The following HPCAL1 variants were observed in gnomAD, a reference collection of about 807,000 sequenced individuals.
The protein encoded by HPCAL1 is hippocalcin like 1, also known as hippocalcin-like protein 1.
In HPCAL1, 8 loss-of-function variants were observed where a neutral mutation model predicts 17.1. The ratio of observed to expected loss-of-function variants is 0.47; its 90% CI spans 0.27 to 0.84. The LOEUF (loss-of-function observed/expected upper bound fraction) is 0.84, where lower values mean the gene tolerates loss of function less well. HPCAL1 is among the 40% of genes least tolerant of loss of function. The pLI, the probability that HPCAL1 is intolerant of heterozygous loss-of-function variation, is 0.13. For missense variants in HPCAL1, 165 were observed against 271.1 expected, an observed-to-expected ratio of 0.61 and a Z score of 2.75; for synonymous variants, 112 against 111.4, an observed-to-expected ratio of 1.01 and a Z score of -0.03.
At chr2:10,316,059 A>G (rs1014685142) in intron 1 of HPCAL1, among the ~76,000 whole-genome samples, 4 of 152,058 alleles carry the variant, frequency 2.6e-5, no homozygotes, top group African/African-American at 4.8e-5. Context: ...TCAGTGTGGC[A>G]TAGTGTAGAG....
intron 1 of HPCAL1, among the ~76,000 whole-genome samples, chr2:10,350,166 C>T (rs1441585646): frequency 6.6e-6 from 1 of 152,146 alleles, no homozygotes; most frequent in Non-Finnish European, 1.5e-5. Flanking sequence ...ACAAACGTAA[C>T]TGAGTCTTGG....
intron 1 of HPCAL1, among the ~76,000 whole-genome samples, chr2:10,358,921 A>C (rs956594444): frequency 3.3e-5 from 5 of 152,170 alleles, no homozygotes; most frequent in Non-Finnish European, 7.4e-5. Flanking sequence ...TACGGATGGC[A>C]AACTAAAAGA....
chr2:10,418,472 C>CAA (rs1338147998), intron 2 of HPCAL1, among the ~76,000 whole-genome samples: 4 of 103,262 alleles, frequency 3.9e-5, no homozygotes, highest in South Asian at 6.3e-4. Flanking sequence ...AAAAAAAAAA[C>CAA]AACCCTGGGA....
At chr2:10,422,565 G>A (rs1671131708) in intron 3 of HPCAL1, among the ~76,000 whole-genome samples, 1 of 152,206 alleles carries the variant, frequency 6.6e-6, no homozygotes, top group Admixed American at 6.5e-5. Flanking sequence ...TGCCCTGTGA[G>A]TTTCAGGGAC....
At chr2:10,341,610 GCTGAAGGA>G (rs558361502) in intron 1 of HPCAL1, among the ~76,000 whole-genome samples, 28 of 152,234 alleles carry the variant, frequency 1.8e-4, no homozygotes, top group African/African-American at 6.5e-4. Flanking sequence ...CAAGAAAGCT[GCTGAAGGA>G]CTTCAGAAAC....
At chr2:10,349,789 A>T (rs993594177) in intron 1 of HPCAL1, among the ~76,000 whole-genome samples, 1 of 148,858 alleles carries the variant, frequency 6.7e-6, no homozygotes, top group African/African-American at 2.5e-5. Flanking sequence ...TTTCATTTTC[A>T]TATAAAAATG....
In HPCAL1 at chr2:10,359,540, C is replaced by G. The variant is rs919983048; in HGVS notation, c.-110-37295C>G. On this transcript the variant is annotated intron_variant, in intron 1 of 4. Coordinates refer to ENST00000307845, the MANE Select transcript of HPCAL1 (RefSeq NM_002149.4). This position sits in a 1 kb window ranked among gnomAD's most constrained non-coding sequence, Gnocchi z 4.1. ...AACATTTCTCCCACCCTCTGTCCCT[C>G]GGGGACCCCACTTCCCAGGTGGCCT... Among the ~76,000 whole-genome samples, 1 of 152,228 alleles carries G rather than the reference C, an allele frequency of 6.6e-6. No individual in the cohort carries two copies. The highest frequency in any genetic ancestry group is 1.5e-5 in the Non-Finnish European group (1 of 68,028).
chr2:10,385,122 G>T (rs1335565898), intron 1 of HPCAL1, among the ~76,000 whole-genome samples: 1 of 151,024 alleles, frequency 6.6e-6, no homozygotes, highest in Non-Finnish European at 1.5e-5. Flanking sequence ...AGATAGAGGT[G>T]ACAGGAAGAC....
chr2:10,319,250 C>G (rs1385060226), intron 1 of HPCAL1, among the ~76,000 whole-genome samples: 1 of 152,178 alleles, frequency 6.6e-6, no homozygotes, highest in African/African-American at 2.4e-5. Context: ...TGGAGTCAAC[C>G]TGTATTTTTC....
rs1214851062 is a variant in HPCAL1, at chr2:10,426,922, G to C, written c.*101G>C. ...CCCCGCAATCGTTCCTGCTCTCCCG[G>C]GCCCCGGGCCTGGGGCATGCGTTGC... On this transcript the variant is annotated 3_prime_UTR_variant, in exon 5 of 5. Transcript: ENST00000307845. The C allele has an allele frequency of 3.5e-6, 4 of 1,153,184 alleles. No homozygotes were observed. Among genetic ancestry groups the C allele is most frequent in the Non-Finnish European group, 5.1e-6 (4 of 782,496 alleles). The allele number at this position is 1,153,184 out of a possible 1,614,324, so 71.4% of individuals were successfully genotyped here.
intron 1 of HPCAL1, among the ~76,000 whole-genome samples, chr2:10,370,334 G>A (rs1383919760): frequency 2.0e-5 from 3 of 152,268 alleles, no homozygotes; most frequent in Non-Finnish European, 4.4e-5. Context: ...GCAGGTGCAT[G>A]CTTGGGACTT....
chr2:10,401,081 G>A (rs1252893326), intron 2 of HPCAL1, among the ~76,000 whole-genome samples: 1 of 152,184 alleles, frequency 6.6e-6, no homozygotes, highest in African/African-American at 2.4e-5. Flanking sequence ...CACACAGGCA[G>A]CCACAGCCGA....
chr2:10,417,165 C>G (rs887840805), intron 2 of HPCAL1, among the ~76,000 whole-genome samples: 1 of 152,062 alleles, frequency 6.6e-6, no homozygotes, highest in African/African-American at 2.4e-5. Context: ...GAGTTCGAGA[C>G]CAGGTTGGCC....
At chr2:10,353,386 T>G (rs914363298) in intron 1 of HPCAL1, among the ~76,000 whole-genome samples, 1 of 152,136 alleles carries the variant, frequency 6.6e-6, no homozygotes, top group Non-Finnish European at 1.5e-5. Context: ...AAGCCCCCAG[T>G]GCCATCCTTC....
chr2:10,356,299 G>A (rs1666150006), intron 1 of HPCAL1, among the ~76,000 whole-genome samples: 1 of 152,170 alleles, frequency 6.6e-6, no homozygotes, highest in Admixed American at 6.5e-5. Context: ...GAGTGTTAAA[G>A]GTCACAGGAC....
chr2:10,420,190 C>G, intron 3 of HPCAL1, 55 bp downstream of exon 3: 1 of 1,451,628 alleles, frequency 6.9e-7, no homozygotes, highest in East Asian at 2.3e-5. Flanking sequence ...CCTCCCAGCT[C>G]CCAGCCCCCA....
At chr2:10,318,889 C>T (rs767259174) in intron 1 of HPCAL1, among the ~76,000 whole-genome samples, 2 of 152,188 alleles carry the variant, frequency 1.3e-5, no homozygotes, top group African/African-American at 2.4e-5. Flanking sequence ...AGCACCCACC[C>T]GTGCCTTCTC....
At chr2:10,346,410 G>A (rs1002890061) in intron 1 of HPCAL1, among the ~76,000 whole-genome samples, 2 of 152,194 alleles carry the variant, frequency 1.3e-5, no homozygotes, top group Non-Finnish European at 2.9e-5. Context: ...CTTGGGGGAG[G>A]TGCTCCCTCA....
At chr2:10,355,511 T>G (rs1269395654) in intron 1 of HPCAL1, among the ~76,000 whole-genome samples, 1 of 131,052 alleles carries the variant, frequency 7.6e-6, no homozygotes, top group African/African-American at 2.9e-5. Flanking sequence ...ACACCACTGA[T>G]CACTCAGAAG....
Sources: allele counts gnomAD v4.1 joint callset (sites outside exome capture counted in the v4.1 genomes callset), GRCh38; gene constraint gnomAD v4.1.1; non-coding constraint Gnocchi (gnomAD v3.1); transcripts MANE v1.5; gene names NCBI Gene and HGNC (gene_info 2026-07-23, HGNC 2026-07-21).